STARD9: variants seen among roughly 807,000 people sequenced by gnomAD.
The protein encoded by STARD9 is stAR-related lipid transfer protein 9.
STARD9 carries 346 observed loss-of-function variants against 399.8 expected under a neutral mutation model. The ratio of observed to expected loss-of-function variants is 0.87; its 90% CI spans 0.79 to 0.95. The LOEUF (loss-of-function observed/expected upper bound fraction) is 0.95. STARD9 is among the 40% of genes least tolerant of loss of function. STARD9 has a pLI of 0.00. For synonymous variants in STARD9, 2,203 were observed against 2,143.5 expected (o/e 1.03, Z -0.77); for missense variants, 5,832 against 5,667.5 (o/e 1.03, Z -0.93).
chr15:42,619,588 C>T (rs991538516), intron 3 of STARD9, among the ~76,000 whole-genome samples: 2 of 151,812 alleles, frequency 1.3e-5, no homozygotes, highest in Non-Finnish European at 1.5e-5. Flanking sequence ...GAACATGCAG[C>T]CTAGAACCCT....
At chr15:42,603,808 G>A (rs918941588) in intron 3 of STARD9, among the ~76,000 whole-genome samples, 2 of 152,108 alleles carry the variant, frequency 1.3e-5, no homozygotes, top group Non-Finnish European at 2.9e-5. Flanking sequence ...GGTCTGGGTG[G>A]CACCAGCTGG....
intron 24 of STARD9, 121 bp from the exon 25 acceptor site, chr15:42,695,019 C>A: frequency 1.1e-6 from 1 of 898,546 alleles, no homozygotes; most frequent in Non-Finnish European, 1.6e-6. Flanking sequence ...ACTTTAAAAC[C>A]CTGTGGGCAA....
At chr15:42,717,653 A>T in intron 28 of STARD9, 78 bp from the exon 29 acceptor site, 2 of 1,263,032 alleles carry the variant, frequency 1.6e-6, no homozygotes, top group South Asian at 2.5e-5. Flanking sequence ...AATTTAGCAG[A>T]TGCAGGCCAG....
chr15:42,641,900 G>A (rs950772379), intron 7 of STARD9, among the ~76,000 whole-genome samples: 20 of 152,048 alleles, frequency 1.3e-4, no homozygotes, highest in African/African-American at 3.9e-4. Flanking sequence ...CACCGCGCCC[G>A]GCTGACATTT....
rs530272524 is a variant in STARD9 at position 42,581,482 on chromosome 15, A to G, written c.48-1864A>G. The G allele has an allele frequency of 1.8e-3, 2,659 of 1,509,402 alleles. 50 individuals carry two copies. The African/African-American group carries it at 0.033, about 19-fold the overall frequency. The allele number at this position is 1,509,402 out of a possible 1,614,324, so 93.5% of individuals were successfully genotyped here. A position where few individuals can be genotyped will look rare whatever the true frequency, so the allele number is the denominator to read the frequency against. On this transcript the variant is annotated intron_variant, in intron 1 of 32. Transcript: ENST00000290607. ...GGCTGGTGGCCGCTGCCAGCGGAGG[A>G]GGACATGGCTGTGGACGCGGGCTCT...
chr15:42,661,821 G>A (rs918369348), intron 10 of STARD9, among the ~76,000 whole-genome samples: 7 of 152,134 alleles, frequency 4.6e-5, no homozygotes, highest in African/African-American at 1.7e-4. Context: ...TAGGAGGTTG[G>A]TGGGAGTGCA....
chr15:42,591,914 C>A (rs934593177), intron 3 of STARD9, among the ~76,000 whole-genome samples: 3 of 152,140 alleles, frequency 2.0e-5, no homozygotes, highest in Non-Finnish European at 2.9e-5. Context: ...ATTATTTACT[C>A]CATTTTGTAG....
At chr15:42,646,507 T>C (rs2059648123) in intron 7 of STARD9, among the ~76,000 whole-genome samples, 1 of 152,246 alleles carries the variant, frequency 6.6e-6, no homozygotes, top group South Asian at 2.1e-4. Context: ...AACCACCCTC[T>C]GCCAGCTCCA....
Position 42,690,120 on chromosome 15 carries a change from AG to A in STARD9, c.8545del (p.Ala2849GlnfsTer13). 6.5e-7 allele frequency: 1 copy of A among 1,537,806 alleles called. No homozygotes were observed. Among genetic ancestry groups the A allele is most frequent in the Non-Finnish European group, 8.7e-7 (1 of 1,147,030 alleles). ...PEASTGFEEG[R>X]ASPKQDTILP... Reference sequence around the variant, plus strand: ...GGCTTCTACTGGCTTTGAAGAAGGTAGGGCAAGTCCCAAACAAGATACCATT... The same window carrying A: ...GGCTTCTACTGGCTTTGAAGAAGGTAGGCAAGTCCCAAACAAGATACCATT... On this transcript the variant is annotated frameshift_variant, in exon 23 of 33. Coordinates refer to ENST00000290607, the MANE Select transcript of STARD9 (RefSeq NM_020759.3). LOFTEE classifies it high-confidence loss of function.
At chr15:42,714,240 TTC>T (rs1347035019) in intron 26 of STARD9, among the ~76,000 whole-genome samples, 1 of 151,910 alleles carries the variant, frequency 6.6e-6, no homozygotes, top group African/African-American at 2.4e-5. Flanking sequence ...TTTTTTTGTA[TTC>T]TTTTAGTGGA....
In STARD9 at chr15:42,662,892, G is replaced by C. The variant is rs888095586; in HGVS notation, c.868+1G>C. ...CTAGGAATTGTCATCTCCACCTTAGGTATTTTCTGATAGATAATGGGAGTG... is the reference window on the plus strand; with the variant it reads ...CTAGGAATTGTCATCTCCACCTTAGCTATTTTCTGATAGATAATGGGAGTG... On this transcript the variant is annotated splice_donor_variant, in intron 11 of 32. Coordinates refer to ENST00000290607, the MANE Select transcript of STARD9 (RefSeq NM_020759.3). LOFTEE classifies it high-confidence loss of function. The C allele has an allele frequency of 1.3e-6, 2 of 1,530,448 alleles. No homozygotes were observed. Among genetic ancestry groups the C allele is most frequent in the Non-Finnish European group, 8.8e-7 (1 of 1,140,814 alleles). 94.8% of individuals were successfully genotyped at this position (1,530,448 alleles called of 1,614,324 possible).
intron 4 of STARD9, among the ~76,000 whole-genome samples, chr15:42,635,795 G>T (rs1308080948): frequency 6.6e-6 from 1 of 152,194 alleles, no homozygotes; most frequent in African/African-American, 2.4e-5. Context: ...TTAAGTGCAT[G>T]CTAGAGCTGT....
Position 42,718,811 on chromosome 15 carries a change from C to G in STARD9, c.13902C>G (p.Ser4634Arg), listed in dbSNP as rs898030649. 15 of 1,537,138 alleles carry G rather than the reference C, an allele frequency of 9.8e-6. No homozygotes were observed. The highest frequency in any genetic ancestry group is 2.0e-5 in the Admixed American group (1 of 50,980). ...ATGATACATCCATGCCAAGACCCAG[C>G]AGAAAAATGGTTCGCGGGGAGATCC... ...SVYDTSMPRP[S>R]RKMVRGEILP... is the part of the protein sequence containing the mutation. Residue 4634 changes from serine (S) to arginine (R), a missense_variant, in exon 32 of 33, where the codon AGC (serine) becomes AGG (arginine). Around this residue, in one of 2 missense-constraint regions of STARD9, gnomAD observed 5,828 missense variants for 5,651.1 expected, o/e 1.03. Coordinates refer to ENST00000290607, the MANE Select transcript of STARD9 (RefSeq NM_020759.3).
chr15:42,664,789 A>AACACACAC (rs55773330), intron 13 of STARD9, among the ~76,000 whole-genome samples: 19 of 144,724 alleles, frequency 1.3e-4, no homozygotes, highest in East Asian at 4.0e-4. Flanking sequence ...TTTATCCTTT[A>AACACACAC]ACACACACAC....
At chr15:42,680,419 G>T (rs981651043) in intron 20 of STARD9, among the ~76,000 whole-genome samples, 13 of 151,994 alleles carry the variant, frequency 8.6e-5, no homozygotes, top group Admixed American at 6.6e-5. Flanking sequence ...GGCCAACATG[G>T]TAAAATCCTG....
At chr15:42,655,807 G>GA (rs2059856491) in intron 9 of STARD9, among the ~76,000 whole-genome samples, 2 of 152,292 alleles carry the variant, frequency 1.3e-5, no homozygotes, top group South Asian at 4.1e-4. Context: ...CAGAGTGGGA[G>GA]AAAATATTTG....
chr15:42,614,609 G>A (rs1435511323), intron 3 of STARD9, among the ~76,000 whole-genome samples: 1 of 152,120 alleles, frequency 6.6e-6, no homozygotes, highest in East Asian at 1.9e-4. Flanking sequence ...CTGGCAATAT[G>A]TATTAAAATA....
At chr15:42,605,836 C>G (rs2058712955) in intron 3 of STARD9, among the ~76,000 whole-genome samples, 2 of 152,144 alleles carry the variant, frequency 1.3e-5, no homozygotes, top group Non-Finnish European at 2.9e-5. Flanking sequence ...ACTGTTCCTC[C>G]CCTGTTAAAC....
At position 42,575,640 on chromosome 15, in the gene STARD9, C is replaced by G. The variant is rs1225857543; in HGVS notation, c.-76C>G. 1.4e-6 allele frequency: 2 copies of G among 1,477,814 alleles called. No individual in the cohort carries two copies. The highest frequency in any genetic ancestry group is 4.9e-5 in the East Asian group (2 of 40,440). The allele number at this position is 1,477,814 out of a possible 1,614,324, so 91.5% of individuals were successfully genotyped here. ...TGGGGCGGGCGGGGCTGGGTTGGGG[C>G]TGTGTCTGGGCTTAGGGCGGGGGCC... On this transcript the variant is annotated 5_prime_UTR_variant, in exon 1 of 33. Transcript: ENST00000290607.
Sources: gnomAD v4.1 joint callset for allele counts (sites outside exome capture counted in the v4.1 genomes callset) on GRCh38, gnomAD v4.1.1 for gene constraint, gnomAD v4.1.1 regional missense constraint, MANE v1.5 for transcripts, NCBI Gene and HGNC (gene_info 2026-07-23, HGNC 2026-07-21) for gene names.